The following PCDHA12 variants were observed in gnomAD, a reference collection of about 807,000 sequenced individuals.
The protein encoded by PCDHA12 is protocadherin alpha 12.
A neutral mutation model predicts 60.0 loss-of-function variants in PCDHA12; 44 were observed. That is an observed-to-expected ratio of 0.73 (90% CI 0.58 to 0.94). The LOEUF is 0.94. PCDHA12 is among the 40% of genes least tolerant of loss of function. PCDHA12 has a pLI of 0.00. For synonymous variants in PCDHA12, 569 were observed against 553.0 expected (o/e 1.03, Z -0.40); for missense variants, 1,276 against 1,239.7 (o/e 1.03, Z -0.44).
intron 3 of PCDHA12, among the ~76,000 whole-genome samples, chr5:140,997,635 A>C (rs1317325954): frequency 6.6e-6 from 1 of 151,942 alleles, no homozygotes; most frequent in Non-Finnish European, 1.5e-5. Context: ...CAAAAAGCAA[A>C]ATGGGATAAT....
intron 1 of PCDHA12, among the ~76,000 whole-genome samples, chr5:140,939,735 G>A (rs2092448026): frequency 6.6e-6 from 1 of 152,174 alleles, no homozygotes; most frequent in South Asian, 2.1e-4. Flanking sequence ...GTGTGTAGCT[G>A]TGTATCATTC....
At chr5:140,971,641 C>T (rs1554233513) in intron 1 of PCDHA12, among the ~76,000 whole-genome samples, 1 of 152,078 alleles carries the variant, frequency 6.6e-6, no homozygotes, top group African/African-American at 2.4e-5. Context: ...CATGTGCCTA[C>T]ATTAAAAGTA....
intron 1 of PCDHA12, among the ~76,000 whole-genome samples, chr5:140,952,159 G>T (rs1226707673): frequency 2.0e-5 from 3 of 152,056 alleles, no homozygotes; most frequent in African/African-American, 7.2e-5. Context: ...TGGCTTTGTG[G>T]GGTTCAGTTC....
intron 1 of PCDHA12, among the ~76,000 whole-genome samples, chr5:140,885,441 A>G (rs568228687): frequency 6.6e-6 from 1 of 152,232 alleles, no homozygotes; most frequent in African/African-American, 2.4e-5. Context: ...GTGTGCAATT[A>G]TATATTATTT....
At chr5:140,943,613 C>G (rs1490811039) in intron 1 of PCDHA12, among the ~76,000 whole-genome samples, 1 of 152,026 alleles carries the variant, frequency 6.6e-6, no homozygotes, top group African/African-American at 2.4e-5. Context: ...GACTTTGATT[C>G]ATCTGCATAA....
chr5:140,877,258 G>A lies in PCDHA12; in HGVS notation c.1786G>A (p.Ala596Thr). 1 of 1,613,780 alleles carries A rather than the reference G, an allele frequency of 6.2e-7. No individual in the cohort carries two copies. Among genetic ancestry groups the A allele is most frequent in the South Asian group, 1.1e-5 (1 of 91,042 alleles). ...GGGCCACGTGGTGGCGAAAGTGCGC[G>A]CGGTGGACGCTGACTCCGGCTATAA... ...GAGHVVAKVRAVDADSGYNAW... is the reference protein window; with the variant it reads ...GAGHVVAKVRTVDADSGYNAW... Residue 596 changes from alanine (A) to threonine (T), a missense_variant, in exon 1 of 4, where the codon GCG becomes ACG. Physicochemically the swap from Ala to Thr is moderately conservative, Grantham distance 58 (BLOSUM62 0). Transcript: ENST00000398631.
At chr5:140,942,851 G>T (rs1211748532) in intron 1 of PCDHA12, among the ~76,000 whole-genome samples, 2 of 151,980 alleles carry the variant, frequency 1.3e-5, no homozygotes, top group Non-Finnish European at 2.9e-5. Flanking sequence ...CCAGTAAGAT[G>T]ATTATTTTGC....
In PCDHA12 at chr5:140,903,474, C is replaced by T. The variant is rs1257250947; in HGVS notation, c.2367+25635C>T. Among the ~76,000 whole-genome samples, 4 of 152,106 alleles carry T rather than the reference C, an allele frequency of 2.6e-5. No homozygotes were observed. In the East Asian group the frequency reaches 7.7e-4, roughly 29 times the overall value. The stretch of plus-strand genomic sequence containing the variant: ...ATCAAACTTAAAATATTATTCCTTG[C>T]ATTATAGTTCTGAGCAGGTACCATA... On this transcript the variant is annotated intron_variant, in intron 1 of 3. Transcript: ENST00000398631.
At chr5:140,883,365 G>A in intron 1 of PCDHA12, 1 of 1,614,148 alleles carries the variant, frequency 6.2e-7, no homozygotes, top group Non-Finnish European at 8.5e-7. Context: ...ACTCAGCCTA[G>A]CGCCATTATT....
chr5:140,937,785 G>T (rs962276976), intron 1 of PCDHA12, among the ~76,000 whole-genome samples: 2 of 150,438 alleles, frequency 1.3e-5, no homozygotes, highest in African/African-American at 4.9e-5. Flanking sequence ...GGTGGCGGGC[G>T]TATGTAGTCC....
chr5:140,925,108 G>GGAAGGAAGGAAGGAA (rs1554202548), intron 1 of PCDHA12, among the ~76,000 whole-genome samples: 36 of 124,780 alleles, frequency 2.9e-4, no homozygotes, highest in African/African-American at 1.2e-3. Context: ...GAAGGAAGGA[G>GGAAGGAAGGAAGGAA]GGAAGGAAGG....
In PCDHA12 at chr5:140,934,078, G is replaced by A. The variant is rs13188437; in HGVS notation, c.2368-44871G>A. On this transcript the variant is annotated intron_variant, in intron 1 of 3. Transcript: ENST00000398631. ...GGCTAACTTTTGGTGTTTTGGGTTC[G>A]CTTTGTTGTATGTTTGCTTTCTATT... is the stretch of plus-strand genomic sequence containing the variant. 1.4e-3 allele frequency among the ~76,000 whole-genome samples: 217 copies of A among 151,620 alleles called. 1 individual carries two copies. Among genetic ancestry groups the A allele is most frequent in the African/African-American group, 4.8e-3 (200 of 41,380 alleles).
intron 1 of PCDHA12, chr5:140,926,750 G>C (rs2083528007): frequency 8.0e-7 from 1 of 1,256,516 alleles, no homozygotes; most frequent in Non-Finnish European, 1.0e-6. Flanking sequence ...AACGTCGGCG[G>C]TCGCTGAGTA....
chr5:140,927,157 G>A (rs868936673), intron 1 of PCDHA12: 2 of 1,614,144 alleles, frequency 1.2e-6, no homozygotes, highest in South Asian at 2.2e-5. Flanking sequence ...GCTGTGCAGG[G>A]CCAAAGCTGC....
At chr5:140,922,841 A>G (rs982832745) in intron 1 of PCDHA12, among the ~76,000 whole-genome samples, 67 of 152,372 alleles carry the variant, frequency 4.4e-4, no homozygotes, top group African/African-American at 1.5e-3. Flanking sequence ...GATGTCCTCA[A>G]AGAGACCAAA....
chr5:140,905,632 G>GCCA (rs2071986222), intron 1 of PCDHA12, among the ~76,000 whole-genome samples: 1 of 152,106 alleles, frequency 6.6e-6, no homozygotes, highest in South Asian at 2.1e-4. Flanking sequence ...TGACAGTATG[G>GCCA]TCAGTTTCAC....
intron 1 of PCDHA12, among the ~76,000 whole-genome samples, chr5:140,970,841 C>T (rs782138970): frequency 2.0e-5 from 3 of 150,352 alleles, no homozygotes; most frequent in African/African-American, 7.5e-5. Context: ...ATGTAATGCA[C>T]AGGCACAAAA....
intron 1 of PCDHA12, among the ~76,000 whole-genome samples, chr5:140,890,818 A>G (rs1170693390): frequency 1.3e-5 from 2 of 152,204 alleles, no homozygotes; most frequent in African/African-American, 4.8e-5. Flanking sequence ...ATTGTTTTAA[A>G]TGTACTTACA....
At chr5:140,988,625 T>A (rs1406223989) in intron 3 of PCDHA12, among the ~76,000 whole-genome samples, 1 of 152,176 alleles carries the variant, frequency 6.6e-6, no homozygotes, top group Non-Finnish European at 1.5e-5. Context: ...AATGGAGATG[T>A]CCTGGTTTTC....
Sources: allele counts gnomAD v4.1 joint callset (sites outside exome capture counted in the v4.1 genomes callset), GRCh38; gene constraint gnomAD v4.1.1; transcripts MANE v1.5; gene names NCBI Gene and HGNC (gene_info 2026-07-23, HGNC 2026-07-21).